ADAMTSL1: variants seen among roughly 807,000 people sequenced by gnomAD.
ADAMTSL1 encodes ADAMTS-like protein 1.
A neutral mutation model predicts 201.8 loss-of-function variants in ADAMTSL1; 126 were observed. That is an observed-to-expected ratio of 0.62 (90% confidence interval 0.54 to 0.72). ADAMTSL1 has a LOEUF of 0.72. ADAMTSL1 is among the 30% of genes least tolerant of loss of function. ADAMTSL1 has a pLI of 0.00. For missense variants in ADAMTSL1, 2,679 were observed against 2,277.8 expected, an observed-to-expected ratio of 1.18 and a Z score of -3.59; for synonymous variants, 1,121 against 903.4, an observed-to-expected ratio of 1.24 and a Z score of -4.32.
At chr9:18,071,187 G>A (rs954278393) in intron 1 of ADAMTSL1, among the ~76,000 whole-genome samples, 1 of 152,296 alleles carries the variant, frequency 6.6e-6, no homozygotes, top group Non-Finnish European at 1.5e-5. Flanking sequence ...TCCCCAAGTT[G>A]ACAATAGTCC....
At chr9:17,941,252 A>G (rs1315206422) in intron 1 of ADAMTSL1, among the ~76,000 whole-genome samples, 3 of 152,098 alleles carry the variant, frequency 2.0e-5, no homozygotes, top group Non-Finnish European at 4.4e-5. Flanking sequence ...TCTTCTCTTT[A>G]TCTCATTGGG....
chr9:18,733,629 C>CCCCCCACCCACCCA (rs1554745073), intron 15 of ADAMTSL1, among the ~76,000 whole-genome samples: 6,318 of 138,336 alleles, frequency 0.046, 207 homozygotes, highest in African/African-American at 0.1. Context: ...CACCACCACT[C>CCCCCCACCCACCCA]CCCCCACACA....
intron 22 of ADAMTSL1, among the ~76,000 whole-genome samples, chr9:18,828,749 T>A (rs7026998): frequency 0.8 from 103,444 of 129,390 alleles, 41,803 homozygotes; most frequent in Non-Finnish European, 0.84. Context: ...ATGTAATCTC[T>A]AGTTCATCAT....
chr9:18,361,917 G>A (rs1011589276), intron 2 of ADAMTSL1, among the ~76,000 whole-genome samples: 5 of 152,150 alleles, frequency 3.3e-5, no homozygotes, highest in African/African-American at 4.8e-5. Context: ...GCTTAGTAGA[G>A]GCCCTCTGTT....
chr9:18,302,331 A>G (rs751824958), intron 2 of ADAMTSL1, among the ~76,000 whole-genome samples: 6 of 152,130 alleles, frequency 3.9e-5, no homozygotes, highest in Admixed American at 1.3e-4. Flanking sequence ...CCCCATCAAG[A>G]CCTTGCTGTC....
At chr9:18,302,468 T>G (rs1324810985) in intron 2 of ADAMTSL1, among the ~76,000 whole-genome samples, 2 of 152,198 alleles carry the variant, frequency 1.3e-5, no homozygotes, top group African/African-American at 2.4e-5. Context: ...CTTAGATATG[T>G]GGATATGGGC....
intron 1 of ADAMTSL1, among the ~76,000 whole-genome samples, chr9:18,112,153 T>C (rs1310222979): frequency 6.6e-6 from 1 of 152,082 alleles, no homozygotes; most frequent in Non-Finnish European, 1.5e-5. Context: ...GTGCTATGAA[T>C]AGGAAGATAG....
chr9:18,475,888 A>G (rs778891216), intron 1 of ADAMTSL1, among the ~76,000 whole-genome samples: 1 of 152,104 alleles, frequency 6.6e-6, no homozygotes, highest in Non-Finnish European at 1.5e-5. Flanking sequence ...TCAGGAATAG[A>G]TTGTTTTGCT....
chr9:18,804,855 C>T (rs1021620323), intron 20 of ADAMTSL1, among the ~76,000 whole-genome samples: 2 of 152,276 alleles, frequency 1.3e-5, no homozygotes, highest in Non-Finnish European at 2.9e-5. Context: ...TTGATATACT[C>T]ACTCTTTGTA....
At chr9:18,418,312 T>C (rs928630648) in intron 2 of ADAMTSL1, among the ~76,000 whole-genome samples, 2 of 152,152 alleles carry the variant, frequency 1.3e-5, no homozygotes, top group Non-Finnish European at 2.9e-5. Flanking sequence ...GGGAAGGCAG[T>C]GATGTCCAAT....
rs111439248 is a variant in ADAMTSL1 at position 18,283,053 on chromosome 9, A to G, written c.207+119072A>G. 7.2e-5 allele frequency among the ~76,000 whole-genome samples: 11 copies of G among 152,330 alleles called. 1 individual carries two copies. Among genetic ancestry groups the G allele is most frequent in the African/African-American group, 2.4e-4 (10 of 41,578 alleles). On this transcript the variant is annotated intron_variant, in intron 2 of 29. Coordinates refer to the ADAMTSL1 transcript ENST00000680146. ...CAGTTGTTTAAAAGAAGAGAATTGA[A>G]ATCAACTATAATTTTTGATGTGTCT...
intron 1 of ADAMTSL1, among the ~76,000 whole-genome samples, chr9:18,103,774 TA>T (rs1322106789): frequency 6.6e-6 from 1 of 152,158 alleles, no homozygotes; most frequent in Non-Finnish European, 1.5e-5. Context: ...TTCAAGAACT[TA>T]AAAGCTGGAA....
chr9:18,097,742 T>C (rs1824318128), intron 1 of ADAMTSL1, among the ~76,000 whole-genome samples: 1 of 152,208 alleles, frequency 6.6e-6, no homozygotes, highest in African/African-American at 2.4e-5. Context: ...TGTGAGACTT[T>C]TACAGAATTT....
At chr9:18,012,757 G>T (rs1052520559) in intron 1 of ADAMTSL1, among the ~76,000 whole-genome samples, 1 of 151,940 alleles carries the variant, frequency 6.6e-6, no homozygotes, top group Non-Finnish European at 1.5e-5. Context: ...CATCTTTCAG[G>T]GTTGATGAGG....
chr9:18,079,158 C>G (rs1823364008), intron 1 of ADAMTSL1, among the ~76,000 whole-genome samples: 2 of 152,184 alleles, frequency 1.3e-5, no homozygotes, highest in South Asian at 4.1e-4. Context: ...GGCTCATTGT[C>G]TAGCAGTTCT....
chr9:17,941,521 A>C (rs1417300028), intron 1 of ADAMTSL1, among the ~76,000 whole-genome samples: 1 of 152,094 alleles, frequency 6.6e-6, no homozygotes, highest in Non-Finnish European at 1.5e-5. Context: ...TTATCCTATA[A>C]ATAGAATCTC....
At chr9:18,341,262 GT>G (rs1264958105) in intron 2 of ADAMTSL1, among the ~76,000 whole-genome samples, 1 of 152,010 alleles carries the variant, frequency 6.6e-6, no homozygotes, top group Admixed American at 6.6e-5. Context: ...AGGCTCTCTG[GT>G]CCAGTCTTAA....
chr9:18,568,955 C>T (rs1268072567), intron 3 of ADAMTSL1, among the ~76,000 whole-genome samples: 1 of 152,090 alleles, frequency 6.6e-6, no homozygotes, highest in African/African-American at 2.4e-5. Context: ...AAAATGCCTT[C>T]TTTAAAAAGA....
chr9:18,074,298 A>G (rs1425823236), intron 1 of ADAMTSL1, among the ~76,000 whole-genome samples: 3 of 152,270 alleles, frequency 2.0e-5, no homozygotes, highest in Non-Finnish European at 2.9e-5. Context: ...AGCACCATCC[A>G]GATGTCTGTA....
Sources: gnomAD v4.1 joint callset for allele counts (sites outside exome capture counted in the v4.1 genomes callset) on GRCh38, gnomAD v4.1.1 for gene constraint, MANE v1.5 for transcripts, NCBI Gene and HGNC (gene_info 2026-07-23, HGNC 2026-07-21) for gene names.